The following CFAP52 variants were observed in gnomAD, a reference collection of about 807,000 sequenced individuals.
The protein encoded by CFAP52 is cilia- and flagella-associated protein 52.
A neutral mutation model predicts 70.5 loss-of-function variants in CFAP52; 57 were observed. The observed-to-expected ratio is 0.81, with a 90% CI of 0.65 to 1.01. The LOEUF (loss-of-function observed/expected upper bound fraction) is 1.01. Among genes scored for constraint, CFAP52 ranks in the 50% least tolerant of loss-of-function variants. The pLI, the probability that CFAP52 is intolerant of heterozygous loss-of-function variation, is 0.00. For missense variants in CFAP52, 785 were observed against 788.5 expected, an observed-to-expected ratio of 1.00 and a Z score of 0.05; for synonymous variants, 267 against 292.5, an observed-to-expected ratio of 0.91 and a Z score of 0.89.
chr17:9,623,670 TTTTG>T (rs112696029), intron 8 of CFAP52, among the ~76,000 whole-genome samples: 35,663 of 150,910 alleles, frequency 0.24, 5,260 homozygotes, highest in African/African-American at 0.42. Flanking sequence ...GCTTAGCTTT[TTTTG>T]TTTGTTTGTT....
In CFAP52 at chr17:9,632,874, C is replaced by A. The variant is rs777521115; in HGVS notation, c.1175-14C>A. On this transcript the variant is annotated splice_polypyrimidine_tract_variant and intron_variant, in intron 9 of 13. Coordinates refer to ENST00000352665, the MANE Select transcript of CFAP52 (RefSeq NM_145054.5). Reference sequence around the variant, plus strand: ...TACTGATCCTGCCTGCCTTTTGTTTCCCTTTCATGCCAGCATGGAACGACG... The same window carrying A: ...TACTGATCCTGCCTGCCTTTTGTTTACCTTTCATGCCAGCATGGAACGACG... 1.2e-6 allele frequency: 2 copies of A among 1,613,070 alleles called. No individual in the cohort carries two copies. The highest frequency in any genetic ancestry group is 4.5e-5 in the East Asian group (2 of 44,852).
chr17:9,588,989 C>A (rs1908623389), intron 3 of CFAP52, among the ~76,000 whole-genome samples: 1 of 152,112 alleles, frequency 6.6e-6, no homozygotes, highest in South Asian at 2.1e-4. Context: ...GTAATCCCAG[C>A]TACTTGGGAG....
In CFAP52 at chr17:9,612,295, G is replaced by A. The variant is rs747349187; in HGVS notation, c.855-14G>A. 6.2e-7 allele frequency: 1 copy of A among 1,612,148 alleles called. No homozygotes were observed. Among genetic ancestry groups the A allele is most frequent in the East Asian group, 2.2e-5 (1 of 44,838 alleles). On this transcript the variant is annotated splice_polypyrimidine_tract_variant and intron_variant, in intron 7 of 13. Transcript: ENST00000352665. Reference sequence around the variant, plus strand: ...TTGAGTGAATCTACTTTACTTTTGTGCTTCTCCCTAAAGGAAGATTCAGTT... The same window carrying A: ...TTGAGTGAATCTACTTTACTTTTGTACTTCTCCCTAAAGGAAGATTCAGTT...
At chr17:9,594,630 TTCACCTAC>T in intron 4 of CFAP52, 1 of 199,400 alleles carries the variant, frequency 5.0e-6, no homozygotes, top group Non-Finnish European at 1.0e-5. Flanking sequence ...ATTGCACAGA[TTCACCTAC>T]TGACTGATGT....
chr17:9,582,167 C>G (rs1908256540), intron 1 of CFAP52, among the ~76,000 whole-genome samples: 1 of 152,104 alleles, frequency 6.6e-6, no homozygotes, highest in Admixed American at 6.6e-5. Flanking sequence ...GGTTGCACAC[C>G]TAAGAATAGA....
chr17:9,628,064 T>C (rs1483329961), intron 8 of CFAP52, among the ~76,000 whole-genome samples: 1 of 151,908 alleles, frequency 6.6e-6, no homozygotes, highest in Non-Finnish European at 1.5e-5. Context: ...AAAAGACAAA[T>C]GTTACTATCC....
At chr17:9,615,112 G>C (rs1186659917) in intron 8 of CFAP52, among the ~76,000 whole-genome samples, 2 of 152,214 alleles carry the variant, frequency 1.3e-5, no homozygotes, top group Non-Finnish European at 2.9e-5. Flanking sequence ...ACTAAACTAA[G>C]AGGAAGAACA....
At position 9,638,127 on chromosome 17, in the gene CFAP52, C is replaced by T. The variant is rs67110049; in HGVS notation, c.1473-482C>T. 2.4e-3 allele frequency among the ~76,000 whole-genome samples: 371 copies of T among 152,310 alleles called. 1 individual carries two copies. Among genetic ancestry groups the T allele is most frequent in the African/African-American group, 7.8e-3 (326 of 41,574 alleles). Reference sequence around the variant, plus strand: ...CAAATGTGTACATGACATCTTGCTACAGCTTTTATTTGTGAATTAAAGATA... The same window carrying T: ...CAAATGTGTACATGACATCTTGCTATAGCTTTTATTTGTGAATTAAAGATA... On this transcript the variant is annotated intron_variant, in intron 11 of 13. Transcript: ENST00000352665.
intron 1 of CFAP52, among the ~76,000 whole-genome samples, chr17:9,583,309 T>C (rs1402350126): frequency 6.6e-6 from 1 of 152,128 alleles, no homozygotes; most frequent in Non-Finnish European, 1.5e-5. Context: ...TAATTACATT[T>C]GGCCATTTGA....
intron 3 of CFAP52, among the ~76,000 whole-genome samples, chr17:9,590,792 A>G (rs1032785530): frequency 6.6e-6 from 1 of 152,116 alleles, no homozygotes; most frequent in South Asian, 2.1e-4. Flanking sequence ...AATGTTGAAA[A>G]CCAAAAGAAA....
intron 3 of CFAP52, among the ~76,000 whole-genome samples, chr17:9,588,928 C>T (rs867958637): frequency 1.3e-4 from 19 of 151,706 alleles, no homozygotes; most frequent in African/African-American, 2.9e-4. Context: ...CCTAGTGAAA[C>T]GCTGTCTCTA....
chr17:9,613,685 T>A (rs896891984), intron 8 of CFAP52, among the ~76,000 whole-genome samples: 3 of 151,826 alleles, frequency 2.0e-5, no homozygotes, highest in Non-Finnish European at 4.4e-5. Context: ...GCCCGGCTAA[T>A]TTTTTATATT....
intron 8 of CFAP52, among the ~76,000 whole-genome samples, chr17:9,623,984 C>T (rs960993979): frequency 9.2e-5 from 14 of 151,946 alleles, no homozygotes; most frequent in African/African-American, 2.7e-4. Context: ...AATTCTTGCC[C>T]GATTATTTTC....
At chr17:9,636,483 A>T (rs974916657) in intron 11 of CFAP52, among the ~76,000 whole-genome samples, 6 of 152,186 alleles carry the variant, frequency 3.9e-5, no homozygotes, top group Non-Finnish European at 1.5e-5. Context: ...TTGTAGGAGT[A>T]ACTCAAAGGA....
chr17:9,616,291 C>A (rs1409014068), intron 8 of CFAP52, among the ~76,000 whole-genome samples: 1 of 135,464 alleles, frequency 7.4e-6, no homozygotes, highest in African/African-American at 2.9e-5. Flanking sequence ...CTTTTCAGAC[C>A]GGCTTAAGAA....
At chr17:9,599,530 G>C (rs1203639481) in intron 5 of CFAP52, among the ~76,000 whole-genome samples, 1 of 152,138 alleles carries the variant, frequency 6.6e-6, no homozygotes, top group African/African-American at 2.4e-5. Flanking sequence ...AAAGGCACAG[G>C]CTAATTGGGG....
chr17:9,642,342 G>A (rs1175414756), intron 13 of CFAP52, among the ~76,000 whole-genome samples: 2 of 152,136 alleles, frequency 1.3e-5, no homozygotes, highest in African/African-American at 2.4e-5. Flanking sequence ...AAATAAATGC[G>A]GCCAGGCGTG....
intron 3 of CFAP52, among the ~76,000 whole-genome samples, chr17:9,592,982 T>C (rs1161803581): frequency 6.6e-6 from 1 of 152,210 alleles, no homozygotes; most frequent in Non-Finnish European, 1.5e-5. Context: ...TCTGTTAATG[T>C]CCCACTGTGG....
At chr17:9,601,080 C>G (rs549026296) in intron 6 of CFAP52, among the ~76,000 whole-genome samples, 7 of 151,884 alleles carry the variant, frequency 4.6e-5, no homozygotes, top group Admixed American at 3.9e-4. Flanking sequence ...TACTATGCAG[C>G]CATAAAAAAG....
Sources: allele counts gnomAD v4.1 joint callset (sites outside exome capture counted in the v4.1 genomes callset), GRCh38; gene constraint gnomAD v4.1.1; transcripts MANE v1.5; gene names NCBI Gene and HGNC (gene_info 2026-07-23, HGNC 2026-07-21).